DNER: variants seen among roughly 807,000 people sequenced by gnomAD.
The protein encoded by DNER is delta/notch like EGF repeat containing.
In DNER, 33 loss-of-function variants were observed where a neutral mutation model predicts 78.2. That is an observed-to-expected ratio of 0.42 (90% CI 0.32 to 0.56). DNER has a LOEUF of 0.56. Among genes scored for constraint, DNER ranks in the 20% least tolerant of loss-of-function variants. The pLI is 0.11. For missense variants in DNER, 918 were observed against 975.3 expected (o/e 0.94, Z 0.78); for synonymous variants, 417 against 384.8 (o/e 1.08, Z -0.98).
chr2:229,551,052 A>G (rs534311527), intron 4 of DNER, among the ~76,000 whole-genome samples: 29 of 152,322 alleles, frequency 1.9e-4, no homozygotes, highest in African/African-American at 6.7e-4. Context: ...ATTGCTTGAC[A>G]CAGGTTCACT....
At chr2:229,520,129 G>T (rs1696065697) in intron 5 of DNER, among the ~76,000 whole-genome samples, 1 of 152,142 alleles carries the variant, frequency 6.6e-6, no homozygotes, top group East Asian at 1.9e-4. Context: ...AGATGCTTAG[G>T]TGTTCACTGA....
intron 1 of DNER, among the ~76,000 whole-genome samples, chr2:229,671,288 G>A (rs1188122106): frequency 1.3e-5 from 2 of 152,120 alleles, no homozygotes; most frequent in Non-Finnish European, 2.9e-5. Flanking sequence ...GCCATACTCG[G>A]CTTTCCCTTG....
chr2:229,600,416 G>A (rs1442286292), intron 1 of DNER, among the ~76,000 whole-genome samples: 1 of 152,074 alleles, frequency 6.6e-6, no homozygotes, highest in Admixed American at 6.5e-5. Context: ...GGTAGGTGGG[G>A]GTCACCTGGA....
chr2:229,711,489 T>C (rs556884073), intron 1 of DNER, among the ~76,000 whole-genome samples: 38 of 152,264 alleles, frequency 2.5e-4, no homozygotes, highest in Admixed American at 2.3e-3. Context: ...CTAGACCCCA[T>C]TGACTTACGC....
intron 1 of DNER, among the ~76,000 whole-genome samples, chr2:229,598,664 A>C (rs2154214849): frequency 6.6e-6 from 1 of 152,310 alleles, no homozygotes; most frequent in South Asian, 2.1e-4. Context: ...TTTTAGAATG[A>C]TAGCGGCAGC....
chr2:229,552,163 C>G (rs1488166562), intron 4 of DNER, among the ~76,000 whole-genome samples: 1 of 152,134 alleles, frequency 6.6e-6, no homozygotes, highest in Non-Finnish European at 1.5e-5. Flanking sequence ...AGGGTAAAAG[C>G]AGGACTGTCT....
rs891140191 is a variant in DNER at position 229,398,943 on chromosome 2, TA to T, written c.1723+8288del. Among the ~76,000 whole-genome samples the T allele has an allele frequency of 2.3e-4, 34 of 150,606 alleles. 1 individual carries two copies. Among genetic ancestry groups the T allele is most frequent in the African/African-American group, 6.8e-4 (28 of 41,114 alleles). On this transcript the variant is annotated intron_variant, in intron 10 of 12. Transcript: ENST00000341772. ...CTTCCTCAATTTGATAAACAGCATC[TA>T]AAAAAAAACACTACAGCTGACATTA...
At chr2:229,390,336 A>G (rs1692987083) in intron 10 of DNER, among the ~76,000 whole-genome samples, 1 of 152,264 alleles carries the variant, frequency 6.6e-6, no homozygotes, top group Non-Finnish European at 1.5e-5. Context: ...TCAATGACAT[A>G]TGCTTTTCAT....
At chr2:229,374,361 C>T (rs1216803275) in intron 11 of DNER, among the ~76,000 whole-genome samples, 1 of 152,160 alleles carries the variant, frequency 6.6e-6, no homozygotes, top group Non-Finnish European at 1.5e-5. Context: ...CAGGTAAAAA[C>T]CTGCACATGT....
chr2:229,555,010 G>C (rs527731996), intron 4 of DNER, among the ~76,000 whole-genome samples: 1 of 149,278 alleles, frequency 6.7e-6, no homozygotes, highest in South Asian at 2.1e-4. Context: ...AGGAAAAAGA[G>C]AAAGGGAAGG....
chr2:229,469,299 C>A (rs1448535307), intron 7 of DNER, among the ~76,000 whole-genome samples: 2 of 152,156 alleles, frequency 1.3e-5, no homozygotes, highest in Non-Finnish European at 1.5e-5. Context: ...AGAACATGAA[C>A]TTCAGGATCA....
chr2:229,427,581 G>T (rs1353067629), intron 8 of DNER, among the ~76,000 whole-genome samples: 1 of 152,140 alleles, frequency 6.6e-6, no homozygotes, highest in Non-Finnish European at 1.5e-5. Context: ...GGGAGGAGAT[G>T]CAGGAGAGCT....
chr2:229,470,531 T>G (rs995894367), intron 7 of DNER, among the ~76,000 whole-genome samples: 1 of 152,044 alleles, frequency 6.6e-6, no homozygotes, highest in Non-Finnish European at 1.5e-5. Context: ...TAAAGCAAAA[T>G]TAATGAATTG....
intron 6 of DNER, among the ~76,000 whole-genome samples, chr2:229,492,307 T>C (rs1340109180): frequency 6.6e-6 from 1 of 152,064 alleles, no homozygotes; most frequent in Non-Finnish European, 1.5e-5. Flanking sequence ...CTTGAAGCCC[T>C]GACGTACCAT....
chr2:229,536,121 G>C (rs1404699933), intron 5 of DNER, among the ~76,000 whole-genome samples: 1 of 152,162 alleles, frequency 6.6e-6, no homozygotes, highest in African/African-American at 2.4e-5. Context: ...AATGCTAAAA[G>C]TTTTTCCCTC....
chr2:229,641,150 A>C (rs1279294816), intron 1 of DNER, among the ~76,000 whole-genome samples: 1 of 152,234 alleles, frequency 6.6e-6, no homozygotes, highest in Non-Finnish European at 1.5e-5. Context: ...AGGACACTGC[A>C]AACAGAAATA....
chr2:229,568,122 A>G (rs768664340), intron 4 of DNER, among the ~76,000 whole-genome samples: 2 of 152,254 alleles, frequency 1.3e-5, no homozygotes, highest in South Asian at 4.1e-4. Flanking sequence ...CATCAAGCAT[A>G]TCAAGTAGAT....
intron 1 of DNER, among the ~76,000 whole-genome samples, chr2:229,613,130 A>G (rs567331427): frequency 6.6e-6 from 1 of 152,362 alleles, no homozygotes; most frequent in Admixed American, 6.5e-5. Flanking sequence ...GCAAACAGCC[A>G]TTAAAAATCT....
chr2:229,473,075 A>G (rs1319542592), intron 7 of DNER, among the ~76,000 whole-genome samples: 1 of 152,230 alleles, frequency 6.6e-6, no homozygotes, highest in Non-Finnish European at 1.5e-5. Context: ...CCTTGAAGGA[A>G]ACAAAATGGA....
Sources: gnomAD v4.1 joint callset for allele counts (sites outside exome capture counted in the v4.1 genomes callset) on GRCh38, gnomAD v4.1.1 for gene constraint, MANE v1.5 for transcripts, NCBI Gene and HGNC (gene_info 2026-07-23, HGNC 2026-07-21) for gene names.